The following CTNNA3 variants were observed in gnomAD, a reference collection of about 807,000 sequenced individuals.
CTNNA3 encodes the protein catenin alpha 3.
A neutral mutation model predicts 95.7 loss-of-function variants in CTNNA3; 76 were observed. That is an observed-to-expected ratio of 0.79 (90% confidence interval 0.66 to 0.96). The LOEUF (loss-of-function observed/expected upper bound fraction) is 0.96. Ranked by LOEUF, CTNNA3 falls within the 40% of genes least tolerant of loss-of-function variation. The pLI, the probability that CTNNA3 is intolerant of heterozygous loss-of-function variation, is 0.00. For synonymous variants in CTNNA3, 431 were observed against 374.4 expected, an observed-to-expected ratio of 1.15 and a Z score of -1.74; for missense variants, 1,191 against 1,089.8, an observed-to-expected ratio of 1.09 and a Z score of -1.31.
intron 7 of CTNNA3, among the ~76,000 whole-genome samples, chr10:67,121,981 C>CA (rs370358378): frequency 0.62 from 28,946 of 46,968 alleles, 10,024 homozygotes; most frequent in Middle Eastern, 0.72. Flanking sequence ...TTATTCTGAG[C>CA]AAAAAAAAAA....
chr10:65,980,312 G>A (rs1306567601), intron 16 of CTNNA3, among the ~76,000 whole-genome samples: 1 of 151,776 alleles, frequency 6.6e-6, no homozygotes, highest in African/African-American at 2.4e-5. Flanking sequence ...ATAATATGCA[G>A]CGAGATTGAA....
intron 9 of CTNNA3, among the ~76,000 whole-genome samples, chr10:66,757,816 C>A (rs1448479555): frequency 6.6e-6 from 1 of 152,138 alleles, no homozygotes; most frequent in East Asian, 1.9e-4. Flanking sequence ...ATTGATAGAA[C>A]TGAGCTGATA....
intron 5 of CTNNA3, among the ~76,000 whole-genome samples, chr10:67,276,731 T>C (rs1026871752): frequency 3.3e-5 from 5 of 152,066 alleles, no homozygotes; most frequent in Admixed American, 6.6e-5. Flanking sequence ...GTGACAGAGA[T>C]GAAACAAGAT....
chr10:67,511,739 A>G (rs900932316), intron 5 of CTNNA3, among the ~76,000 whole-genome samples: 1 of 152,168 alleles, frequency 6.6e-6, no homozygotes, highest in South Asian at 2.1e-4. Flanking sequence ...TCCCTCTTTT[A>G]CTATTGATTG....
At chr10:66,554,495 A>G (rs1564529941) in intron 10 of CTNNA3, among the ~76,000 whole-genome samples, 1 of 152,166 alleles carries the variant, frequency 6.6e-6, no homozygotes, top group Non-Finnish European at 1.5e-5. Context: ...ATATGCCAGA[A>G]CTTCTCCTAT....
chr10:67,419,294 G>A (rs952578677), intron 5 of CTNNA3, among the ~76,000 whole-genome samples: 1 of 151,794 alleles, frequency 6.6e-6, no homozygotes. Context: ...ACAATAACAT[G>A]CATTATCCTT....
At chr10:67,514,436 G>T (rs768810252) in intron 5 of CTNNA3, among the ~76,000 whole-genome samples, 1 of 152,152 alleles carries the variant, frequency 6.6e-6, no homozygotes, top group Non-Finnish European at 1.5e-5. Context: ...TCTTAGTAGT[G>T]AAAGATTACC....
At chr10:67,412,924 C>T (rs1845418606) in intron 5 of CTNNA3, among the ~76,000 whole-genome samples, 1 of 151,956 alleles carries the variant, frequency 6.6e-6, no homozygotes, top group African/African-American at 2.4e-5. Context: ...ACATAGCTCA[C>T]AGGCACTATA....
chr10:67,281,065 T>C (rs1188574247), intron 5 of CTNNA3, among the ~76,000 whole-genome samples: 1 of 152,046 alleles, frequency 6.6e-6, no homozygotes, highest in Admixed American at 6.6e-5. Context: ...TTCATCATTA[T>C]CCTCCCTCCA....
At chr10:66,798,287 T>G (rs1204907136) in intron 7 of CTNNA3, among the ~76,000 whole-genome samples, 1 of 151,828 alleles carries the variant, frequency 6.6e-6, no homozygotes, top group African/African-American at 2.4e-5. Flanking sequence ...TTACTAATAT[T>G]TATAACAATA....
intron 5 of CTNNA3, among the ~76,000 whole-genome samples, chr10:67,455,114 C>T (rs1270124601): frequency 2.6e-5 from 4 of 152,006 alleles, no homozygotes; most frequent in South Asian, 2.1e-4. Context: ...CCAGATGATT[C>T]GATTGTACTT....
chr10:65,920,657 AG>A, intron 17 of CTNNA3, 40 bp from the exon 18 acceptor site: 2 of 1,588,714 alleles, frequency 1.3e-6, no homozygotes, highest in South Asian at 2.3e-5. Context: ...TTATTCCAGG[AG>A]GTTTTGTTAA....
chr10:67,207,886 G>A (rs1564973970), intron 6 of CTNNA3, among the ~76,000 whole-genome samples: 1 of 152,168 alleles, frequency 6.6e-6, no homozygotes, highest in Non-Finnish European at 1.5e-5. Context: ...ATCAGAGTAT[G>A]TCTAAATTTG....
intron 17 of CTNNA3, among the ~76,000 whole-genome samples, chr10:65,922,639 A>C (rs2077106322): frequency 6.6e-6 from 1 of 152,198 alleles, no homozygotes; most frequent in East Asian, 1.9e-4. Flanking sequence ...ATCCTGATTA[A>C]CCAAACTTTT....
At chr10:66,729,795 T>A (rs1848896633) in intron 9 of CTNNA3, among the ~76,000 whole-genome samples, 1 of 152,214 alleles carries the variant, frequency 6.6e-6, no homozygotes, top group African/African-American at 2.4e-5. Flanking sequence ...TAAGGAAATT[T>A]AAAAAATTTT....
At chr10:66,607,244 C>A (rs1844157596) in intron 10 of CTNNA3, among the ~76,000 whole-genome samples, 1 of 151,898 alleles carries the variant, frequency 6.6e-6, no homozygotes, top group Admixed American at 6.6e-5. Context: ...GAACTGAATC[C>A]ATGAACAGAC....
intron 13 of CTNNA3, among the ~76,000 whole-genome samples, chr10:66,268,811 C>T (rs1361813984): frequency 1.3e-5 from 2 of 152,122 alleles, no homozygotes; most frequent in Non-Finnish European, 2.9e-5. Flanking sequence ...CACCAAACTT[C>T]CTATTCAATT....
chr10:66,742,296 G>A (rs1849353294), intron 9 of CTNNA3, among the ~76,000 whole-genome samples: 1 of 152,126 alleles, frequency 6.6e-6, no homozygotes, highest in African/African-American at 2.4e-5. Flanking sequence ...TTAGGATCAG[G>A]AAATTCCCGC....
chr10:66,110,036 A>C (rs2082060456), intron 13 of CTNNA3, among the ~76,000 whole-genome samples: 1 of 152,000 alleles, frequency 6.6e-6, no homozygotes, highest in Non-Finnish European at 1.5e-5. Flanking sequence ...CTATCTCTTC[A>C]CTCATGTATC....
Sources: gnomAD v4.1 joint callset for allele counts (sites outside exome capture counted in the v4.1 genomes callset) on GRCh38, gnomAD v4.1.1 for gene constraint, MANE v1.5 for transcripts, NCBI Gene and HGNC (gene_info 2026-07-23, HGNC 2026-07-21) for gene names.